Variants in SLC25A33 observed in about 807,000 individuals in gnomAD.
SLC25A33 encodes the protein solute carrier family 25 member 33, also known as bone marrow stromal cell mitochondrial carrier protein.
SLC25A33 carries 15 observed loss-of-function variants against 35.5 expected under a neutral mutation model. The ratio of observed to expected loss-of-function variants is 0.42; its 90% confidence interval spans 0.28 to 0.65. SLC25A33 has a LOEUF of 0.65. SLC25A33 is among the 30% of genes least tolerant of loss of function. SLC25A33 has a pLI of 0.20. For synonymous variants in SLC25A33, 136 were observed against 148.7 expected (o/e 0.91, Z 0.62); for missense variants, 257 against 398.5 (o/e 0.64, Z 3.02).
intron 1 of SLC25A33, among the ~76,000 whole-genome samples, chr1:9,553,208 T>C (rs1303673593): frequency 8.3e-6 from 1 of 119,798 alleles, no homozygotes. Context: ...GTTTTGTTTT[T>C]TTTTTTTTTT....
chr1:9,543,655 A>G (rs531480284), intron 1 of SLC25A33, among the ~76,000 whole-genome samples: 116 of 152,334 alleles, frequency 7.6e-4, no homozygotes, highest in Non-Finnish European at 1.4e-3. Flanking sequence ...GCCCATTTAG[A>G]TCTACTCAGT....
chr1:9,573,493 G>C, intron 5 of SLC25A33, 81 bp downstream of exon 5: 1 of 1,156,430 alleles, frequency 8.6e-7, no homozygotes, highest in Non-Finnish European at 1.3e-6. Context: ...ACATCTCTAA[G>C]GATGAGATAT....
chr1:9,571,151 A>T (rs1389109787), intron 4 of SLC25A33, among the ~76,000 whole-genome samples: 1 of 152,156 alleles, frequency 6.6e-6, no homozygotes, highest in African/African-American at 2.4e-5. Context: ...TAGAGTTTCT[A>T]GTAGGGTCAG....
intron 1 of SLC25A33, among the ~76,000 whole-genome samples, chr1:9,549,572 C>T (rs899829174): frequency 1.3e-5 from 2 of 151,636 alleles, no homozygotes; most frequent in Admixed American, 6.6e-5. Flanking sequence ...AGGTTGAATG[C>T]CATCTACAAT....
intron 2 of SLC25A33, among the ~76,000 whole-genome samples, 187 bp downstream of exon 2, chr1:9,553,992 G>T (rs1190305714): frequency 6.6e-6 from 1 of 152,188 alleles, no homozygotes; most frequent in African/African-American, 2.4e-5. Flanking sequence ...GGGGGTCCCA[G>T]TGTACATGTG....
chr1:9,550,793 C>T (rs966698731), intron 1 of SLC25A33, among the ~76,000 whole-genome samples: 1 of 151,910 alleles, frequency 6.6e-6, no homozygotes, highest in African/African-American at 2.4e-5. Flanking sequence ...CCACGTCAGC[C>T]TCTCGAGTAT....
chr1:9,568,068 T>C (rs1643535926), intron 3 of SLC25A33, among the ~76,000 whole-genome samples: 1 of 152,180 alleles, frequency 6.6e-6, no homozygotes, highest in Admixed American at 6.6e-5. Context: ...CTTGGATAGA[T>C]AGGATAGAGA....
chr1:9,557,398 T>C (rs1486911419), intron 2 of SLC25A33, among the ~76,000 whole-genome samples: 1 of 152,218 alleles, frequency 6.6e-6, no homozygotes, highest in Non-Finnish European at 1.5e-5. Context: ...TTATTATATA[T>C]TTTTAAAATT....
intron 1 of SLC25A33, among the ~76,000 whole-genome samples, chr1:9,545,108 A>C (rs1416723049): frequency 1.3e-5 from 2 of 152,224 alleles, no homozygotes; most frequent in Admixed American, 1.3e-4. Flanking sequence ...TAGAAGGTTA[A>C]CTGTATCTTC....
rs1462709684 is a variant in SLC25A33, at chr1:9,578,165, ACCT to A, written c.483-1787_483-1785del. Among the ~76,000 whole-genome samples, 2 of 152,024 alleles carry A rather than the reference ACCT, an allele frequency of 1.3e-5. No homozygotes were observed. The highest frequency in any genetic ancestry group is 2.9e-5 in the Non-Finnish European group (2 of 67,992). Reference sequence around the variant, plus strand: ...GATCTCCTGACCTCGTGATCTGCCCACCTCAGCCTCCCAAAGTGCTGGGAATAC... The same window carrying A: ...GATCTCCTGACCTCGTGATCTGCCCACAGCCTCCCAAAGTGCTGGGAATAC... On this transcript the variant is annotated intron_variant, in intron 5 of 6. Coordinates refer to ENST00000302692, the MANE Select transcript of SLC25A33 (RefSeq NM_032315.3). This position sits in a 1 kb window ranked among gnomAD's most constrained non-coding sequence, Gnocchi z 4.3.
At chr1:9,543,364 G>T (rs555522375) in intron 1 of SLC25A33, among the ~76,000 whole-genome samples, 2 of 152,114 alleles carry the variant, frequency 1.3e-5, no homozygotes, top group East Asian at 3.9e-4. Flanking sequence ...GGCTGGTCTC[G>T]AACTCCTGCC....
intron 2 of SLC25A33, among the ~76,000 whole-genome samples, chr1:9,557,307 A>AT (rs1454182158): frequency 6.6e-6 from 1 of 152,228 alleles, no homozygotes; most frequent in African/African-American, 2.4e-5. Context: ...AATTTTAGTT[A>AT]TAATGTTTTG....
chr1:9,579,574 G>T (rs1003067201), intron 5 of SLC25A33, among the ~76,000 whole-genome samples: 3 of 152,182 alleles, frequency 2.0e-5, no homozygotes, highest in Non-Finnish European at 4.4e-5. Flanking sequence ...CTCCCCGGGG[G>T]CCACCCTCCA....
chr1:9,580,936 G>A (rs973299169), intron 6 of SLC25A33, among the ~76,000 whole-genome samples: 2 of 151,350 alleles, frequency 1.3e-5, no homozygotes, highest in African/African-American at 4.8e-5. Flanking sequence ...AGGCTACTTT[G>A]GGTAAGTTTA....
At position 9,582,624 on chromosome 1, in the gene SLC25A33, T is replaced by C; in HGVS notation, c.*123T>C. 1.1e-6 allele frequency: 1 copy of C among 883,452 alleles called. No homozygotes were observed. Among genetic ancestry groups the C allele is most frequent in the South Asian group, 1.8e-5 (1 of 55,408 alleles). The allele number at this position is 883,452 out of a possible 1,614,324, so 54.7% of individuals were successfully genotyped here. ...AAGGCCATAAAATATCTGGTTCATA[T>C]CACCTGTTGGACATTTCCTTTTGGA... On this transcript the variant is annotated 3_prime_UTR_variant, in exon 7 of 7. Transcript: ENST00000302692. This position sits in a 1 kb window ranked among gnomAD's most constrained non-coding sequence, Gnocchi z 4.0.
At chr1:9,546,062 A>T (rs1569841343) in intron 1 of SLC25A33, among the ~76,000 whole-genome samples, 1 of 152,190 alleles carries the variant, frequency 6.6e-6, no homozygotes, top group Middle Eastern at 3.4e-3. Flanking sequence ...GACTTCAAAG[A>T]ATATCCCTCG....
At chr1:9,539,961 C>T (rs1481999719) in intron 1 of SLC25A33, among the ~76,000 whole-genome samples, 1 of 152,128 alleles carries the variant, frequency 6.6e-6, no homozygotes, top group Non-Finnish European at 1.5e-5. Context: ...ACCGCAGCCC[C>T]GAGGGCGGCT....
intron 1 of SLC25A33, among the ~76,000 whole-genome samples, chr1:9,550,433 C>T (rs1643249924): frequency 6.6e-6 from 1 of 152,084 alleles, no homozygotes; most frequent in Non-Finnish European, 1.5e-5. Context: ...TTTGAACTTA[C>T]TGGCTTTCTG....
At chr1:9,560,996 C>T (rs1447086357) in intron 2 of SLC25A33, among the ~76,000 whole-genome samples, 2 of 149,084 alleles carry the variant, frequency 1.3e-5, no homozygotes, top group Non-Finnish European at 3.0e-5. Context: ...GTCGCCCAGG[C>T]TGGAGTGCAG....
Sources: allele counts gnomAD v4.1 joint callset (sites outside exome capture counted in the v4.1 genomes callset), GRCh38; gene constraint gnomAD v4.1.1; non-coding constraint Gnocchi (gnomAD v3.1); transcripts MANE v1.5; gene names NCBI Gene and HGNC (gene_info 2026-07-23, HGNC 2026-07-21).